Variants in SULT2A1 observed in about 807,000 individuals in gnomAD.
SULT2A1 encodes sulfotransferase 2A1.
SULT2A1 carries 43 observed loss-of-function variants against 33.9 expected under a neutral mutation model. That is an observed-to-expected ratio of 1.27 (90% CI 1.00 to 1.64). SULT2A1 has a LOEUF of 1.64. SULT2A1 is among the 40% of genes most tolerant of loss of function. The pLI is 0.00. For missense variants in SULT2A1, 300 were observed against 335.1 expected, an observed-to-expected ratio of 0.90 and a Z score of 0.82; for synonymous variants, 125 against 113.6, an observed-to-expected ratio of 1.10 and a Z score of -0.64.
At chr19:47,884,572 G>T (rs1213816346) in intron 1 of SULT2A1, among the ~76,000 whole-genome samples, 5 of 150,682 alleles carry the variant, frequency 3.3e-5, no homozygotes, top group Non-Finnish European at 7.4e-5. Flanking sequence ...TTGAACTCGG[G>T]CTCAAGTGAT....
intron 3 of SULT2A1, among the ~76,000 whole-genome samples, chr19:47,881,391 C>G (rs10425629): frequency 6.6e-6 from 1 of 151,228 alleles, no homozygotes; most frequent in East Asian, 1.9e-4. Flanking sequence ...AGGTTGGTCT[C>G]GAACTCCTGA....
chr19:47,886,087 A>G, intron 1 of SULT2A1, 35 bp downstream of exon 1: 1 of 1,607,314 alleles, frequency 6.2e-7, no homozygotes, highest in Non-Finnish European at 8.5e-7. Context: ...GAACACAACC[A>G]CAGCCTTTCT....
chr19:47,886,262 A>G lies in SULT2A1; in HGVS notation c.-5T>C, dbSNP rs755712168. On this transcript the variant is annotated 5_prime_UTR_variant, in exon 1 of 6. Coordinates refer to ENST00000222002, the MANE Select transcript of SULT2A1 (RefSeq NM_003167.4). Reference sequence around the variant, plus strand: ...CCATAAGAAATCGTCCGACATGATGATGACCTCTTCCTGCGTGGTGTGAGG... The same window carrying G: ...CCATAAGAAATCGTCCGACATGATGGTGACCTCTTCCTGCGTGGTGTGAGG... 28 of 1,613,928 alleles carry G rather than the reference A, an allele frequency of 1.7e-5. No homozygotes were observed. The highest frequency in any genetic ancestry group is 2.4e-5 in the Non-Finnish European group (28 of 1,179,914).
intron 3 of SULT2A1, among the ~76,000 whole-genome samples, chr19:47,879,890 T>C (rs2547235): frequency 0.89 from 134,058 of 151,382 alleles, 59,709 homozygotes; most frequent in East Asian, 1. Context: ...AACAAACCTG[T>C]ACGTTGTGCA....
intron 4 of SULT2A1, among the ~76,000 whole-genome samples, chr19:47,876,054 C>T (rs918090580): frequency 2.0e-5 from 3 of 152,118 alleles, no homozygotes; most frequent in Non-Finnish European, 2.9e-5. Flanking sequence ...CTCACTCTGT[C>T]GCCCAGGCTG....
At position 47,871,324 on chromosome 19, in the gene SULT2A1, G is replaced by A. The variant is rs1356261125; in HGVS notation, c.*131C>T. On this transcript the variant is annotated 3_prime_UTR_variant, in exon 6 of 6. Transcript: ENST00000222002. ...AACTTTTAACAAGGAAGGGATCAGA[G>A]ATGCAGAGGTTTGATATTTAAGGTT... 1.4e-6 allele frequency: 1 copy of A among 717,538 alleles called. No homozygotes were observed. Among genetic ancestry groups the A allele is most frequent in the East Asian group, 2.7e-5 (1 of 37,048 alleles). 44.4% of individuals were successfully genotyped at this position (717,538 alleles called of 1,614,324 possible).
rs569280388 is a variant in SULT2A1 at position 47,872,361 on chromosome 19, G to A, written c.746-794C>T. ...TACAAGTGCTGGAGGCGCTTACAGGGCTCCAGGTGATCCAGCCCCTGTGGC... is the reference window on the plus strand; with the variant it reads ...TACAAGTGCTGGAGGCGCTTACAGGACTCCAGGTGATCCAGCCCCTGTGGC... On this transcript the variant is annotated intron_variant, in intron 5 of 5. Transcript: ENST00000222002. 2.6e-5 allele frequency among the ~76,000 whole-genome samples: 4 copies of A among 152,238 alleles called. No individual in the cohort carries two copies. The South Asian group carries it at 8.3e-4, about 32-fold the overall frequency.
At chr19:47,876,239 C>A (rs555608462) in intron 4 of SULT2A1, among the ~76,000 whole-genome samples, 1 of 152,130 alleles carries the variant, frequency 6.6e-6, no homozygotes, top group African/African-American at 2.4e-5. Context: ...TGGGTTCCAA[C>A]TCCTGAGCTC....
At position 47,879,125 on chromosome 19, in the gene SULT2A1, A is replaced by G. The variant is rs1389175056; in HGVS notation, c.478T>C (p.Tyr160His). 9.3e-6 allele frequency: 15 copies of G among 1,605,200 alleles called. No homozygotes were observed. Among genetic ancestry groups the G allele is most frequent in the Admixed American group, 1.7e-5 (1 of 59,982 alleles). ...TGAATGTGGTCAAACCATGACCCAT[A>G]TAGCACTGCATGGGGTGGCAGAAAA... ...FEWFCQGTVL[Y>H]GSWFDHIHGW... The change falls in exon 4 of 6, where the codon TAT becomes CAT. Residue 160 changes from tyrosine (Y) to histidine (H), a missense_variant. Transcript: ENST00000222002.
At chr19:47,877,818 G>T (rs1377108941) in intron 4 of SULT2A1, among the ~76,000 whole-genome samples, 1 of 152,164 alleles carries the variant, frequency 6.6e-6, no homozygotes, top group Non-Finnish European at 1.5e-5. Flanking sequence ...CCCCAGTGCT[G>T]GGATTACAGG....
At chr19:47,882,245 A>G (rs755927791) in intron 2 of SULT2A1, 35 bp from the exon 3 acceptor site, 1 of 1,602,304 alleles carries the variant, frequency 6.2e-7, no homozygotes, top group Non-Finnish European at 8.5e-7. Context: ...AAAAATCAAT[A>G]CAGTCAATCC....
intron 3 of SULT2A1, among the ~76,000 whole-genome samples, chr19:47,880,035 G>A (rs1442360639): frequency 2.6e-5 from 4 of 151,698 alleles, no homozygotes; most frequent in Non-Finnish European, 4.4e-5. Flanking sequence ...AGGAGATCGA[G>A]ACCATCCTGG....
Position 47,879,081 on chromosome 19 carries a change from T to C in SULT2A1, c.522A>G (p.Arg174=). 1.9e-6 allele frequency: 3 copies of C among 1,613,984 alleles called. No individual in the cohort carries two copies. Among genetic ancestry groups the C allele is most frequent in the Non-Finnish European group, 2.5e-6 (3 of 1,179,886 alleles). Residue 174 remains arginine, a synonymous_variant, in exon 4 of 6, where the codon AGA becomes AGG. Transcript: ENST00000222002. ...FDHIHGWMPM[R]EEKNFLLLSY... The stretch of plus-strand genomic sequence containing the variant: ...TCAGTAACAGGAAGTTTTTCTCCTC[T>C]CTCATGGGCATCCAGCCATGAATGT...
chr19:47,884,159 T>A (rs1968631200), intron 1 of SULT2A1, among the ~76,000 whole-genome samples: 1 of 134,228 alleles, frequency 7.5e-6, no homozygotes, highest in South Asian at 2.4e-4. Flanking sequence ...CCTTAATTTT[T>A]TTATTATTTA....
rs1968511890 is a variant in SULT2A1 at position 47,873,464 on chromosome 19, C to T, written c.745+1193G>A. ...GGGATTACAAGCATGAGCCACCACG[C>T]CTGGCCCTGGAAAAATGGATTCTTT... On this transcript the variant is annotated intron_variant, in intron 5 of 5. Coordinates refer to ENST00000222002, the MANE Select transcript of SULT2A1 (RefSeq NM_003167.4). 1.3e-5 allele frequency among the ~76,000 whole-genome samples: 2 copies of T among 152,024 alleles called. 1 individual carries two copies. Among genetic ancestry groups the T allele is most frequent in the South Asian group, 4.1e-4 (2 of 4,824 alleles).
At chr19:47,872,761 CTTT>C (rs543237237) in intron 5 of SULT2A1, among the ~76,000 whole-genome samples, 5 of 139,840 alleles carry the variant, frequency 3.6e-5, no homozygotes, top group East Asian at 2.1e-4. Flanking sequence ...CAGCATTTAT[CTTT>C]TTTTTTTTTT....
In SULT2A1 at chr19:47,883,702, G is replaced by C; in HGVS notation, c.220C>G (p.Arg74Gly). 6.2e-7 allele frequency: 1 copy of C among 1,614,024 alleles called. No homozygotes were observed. Among genetic ancestry groups the C allele is most frequent in the South Asian group, 1.1e-5 (1 of 91,076 alleles). ...ATCTCACTCTCTACCCAGGGTGATC[G>C]CTCCCAGATGGGCACAGATTGGATC... ...KWIQSVPIWE[R>G]SPWVESEIGY... The change falls in exon 2 of 6, where the codon CGA becomes GGA. Residue 74 changes from arginine to glycine, a missense_variant. Transcript: ENST00000222002.
intron 3 of SULT2A1, among the ~76,000 whole-genome samples, 183 bp downstream of exon 3, chr19:47,881,901 G>A (rs1157534655): frequency 6.6e-6 from 1 of 152,032 alleles, no homozygotes; most frequent in African/African-American, 2.4e-5. Context: ...CATGGGGCAA[G>A]CTGAGGGGCC....
intron 3 of SULT2A1, among the ~76,000 whole-genome samples, chr19:47,881,631 C>T (rs937005417): frequency 1.3e-5 from 2 of 151,888 alleles, no homozygotes; most frequent in Admixed American, 6.6e-5. Context: ...ACTGAAAAAG[C>T]CCAGGAATTC....
Sources: allele counts gnomAD v4.1 joint callset (sites outside exome capture counted in the v4.1 genomes callset), GRCh38; gene constraint gnomAD v4.1.1; transcripts MANE v1.5; gene names NCBI Gene and HGNC (gene_info 2026-07-23, HGNC 2026-07-21).